IL1RN: variants seen among roughly 807,000 people sequenced by gnomAD.
IL1RN encodes interleukin-1 receptor antagonist protein.
IL1RN carries 10 observed loss-of-function variants against 13.7 expected under a neutral mutation model. The observed-to-expected ratio is 0.73, with a 90% CI of 0.45 to 1.24. IL1RN has a LOEUF of 1.24. Among genes scored for constraint, IL1RN ranks in the 50% most tolerant of loss-of-function variants. The probability of loss-of-function intolerance (pLI) is 0.00; values close to 1 mark genes in which losing one functional copy is unlikely to be tolerated. For missense variants in IL1RN, 213 were observed against 222.1 expected (o/e 0.96, Z 0.26); for synonymous variants, 102 against 82.7 (o/e 1.23, Z -1.27).
the IL1RN span, among the ~76,000 whole-genome samples, chr2:113,100,205 A>G: frequency 2.0e-5 from 3 of 151,210 alleles, no homozygotes; most frequent in Admixed American, 6.6e-5. Context: ...GGGCGCCTGT[A>G]GTGCCAGCTA....
intron 2 of IL1RN, chr2:113,120,190 C>T: frequency 9.0e-7 from 1 of 1,114,020 alleles, no homozygotes; most frequent in Non-Finnish European, 1.4e-6. Context: ...TGAACAACAT[C>T]TTGATTATGT....
upstream of IL1RN, among the ~76,000 whole-genome samples, chr2:113,125,339 C>T (rs917211884): frequency 1.3e-5 from 2 of 152,210 alleles, no homozygotes; most frequent in Admixed American, 1.3e-4. Flanking sequence ...CTCACAAAAA[C>T]AAACAAATGA....
At chr2:113,121,466 C>A in intron 2 of IL1RN, 2 of 985,446 alleles carry the variant, frequency 2.0e-6, no homozygotes, top group Non-Finnish European at 2.4e-6. Context: ...TAAAACTAAT[C>A]ATCAAAGCCA....
chr2:113,121,472 A>G (rs1292938061), intron 2 of IL1RN: 1 of 985,382 alleles, frequency 1.0e-6, no homozygotes, highest in African/African-American at 1.7e-5. Flanking sequence ...TAATCATCAA[A>G]GCCAAGAAGG....
intron 1 of IL1RN, among the ~76,000 whole-genome samples, chr2:113,118,181 C>A (rs115408784): frequency 1.3e-5 from 2 of 152,162 alleles, no homozygotes; most frequent in Non-Finnish European, 2.9e-5. Context: ...GGGATCTGGG[C>A]ACGGGGAGGC....
chr2:113,101,375 A>T, the IL1RN span, among the ~76,000 whole-genome samples: 1 of 152,208 alleles, frequency 6.6e-6, no homozygotes, highest in Admixed American at 6.5e-5. Flanking sequence ...TAAAACCGAC[A>T]TTCAATGATA....
intron 1 of IL1RN, among the ~76,000 whole-genome samples, chr2:113,128,261 C>T (rs541766138): frequency 2.0e-5 from 3 of 152,168 alleles, no homozygotes; most frequent in African/African-American, 4.8e-5. Flanking sequence ...AACAGTATTC[C>T]GTGCATTGTA....
At chr2:113,100,780 G>A in the IL1RN span, among the ~76,000 whole-genome samples, 9 of 152,318 alleles carry the variant, frequency 5.9e-5, no homozygotes, top group Non-Finnish European at 1.3e-4. Context: ...AACAAGCCAA[G>A]ATTTAAATAC....
At chr2:113,118,490 A>AG (rs4251973) in intron 1 of IL1RN, among the ~76,000 whole-genome samples, 112,390 of 152,200 alleles carry the variant, frequency 0.74, 41,595 homozygotes, top group East Asian at 0.9. Flanking sequence ...GGCTTGGCAC[A>AG]GTCAGTTCCA....
upstream of IL1RN, among the ~76,000 whole-genome samples, chr2:113,108,231 A>C (rs11677140): frequency 0.3 from 45,004 of 150,770 alleles, 6,981 homozygotes; most frequent in African/African-American, 0.37. Context: ...TCCTTCTCTT[A>C]TCTTTTTTTT....
intron 2 of IL1RN, among the ~76,000 whole-genome samples, chr2:113,120,449 T>A (rs909312221): frequency 6.6e-6 from 1 of 152,172 alleles, no homozygotes; most frequent in East Asian, 1.9e-4. Flanking sequence ...GGTACAATTA[T>A]AATCATTAAC....
chr2:113,113,863 T>G (rs1267273773), upstream of IL1RN, among the ~76,000 whole-genome samples: 1 of 152,238 alleles, frequency 6.6e-6, no homozygotes, highest in Non-Finnish European at 1.5e-5. Context: ...ACCCACGGAC[T>G]CATGTCTGTG....
upstream of IL1RN, among the ~76,000 whole-genome samples, chr2:113,125,545 G>T (rs1044836440): frequency 6.6e-6 from 1 of 152,188 alleles, no homozygotes; most frequent in Non-Finnish European, 1.5e-5. Flanking sequence ...TCCTCTGAAG[G>T]ATACATTCTT....
the IL1RN span, among the ~76,000 whole-genome samples, chr2:113,101,525 C>T: frequency 2.6e-5 from 4 of 152,328 alleles, no homozygotes; most frequent in East Asian, 7.7e-4. Flanking sequence ...TACATTTCCT[C>T]TCCACTCAGT....
chr2:113,119,587 G>A (rs1686698453), intron 1 of IL1RN, among the ~76,000 whole-genome samples: 1 of 152,128 alleles, frequency 6.6e-6, no homozygotes, highest in African/African-American at 2.4e-5. Context: ...TTAGCCCATG[G>A]TCTTATGTGT....
rs1361738311 is a variant in IL1RN, at chr2:113,127,727, A to G, written c.103A>G (p.Met35Val). The part of the protein sequence containing the change: ...CRPSGRKSSK[M>V]QAFRIWDVNQ... ...ACCCTCTGGGAGAAAATCCAGCAAG[A>G]TGCAAGCCTTCAGGTAAGGCTACCC... Residue 35 changes from methionine to valine, a missense_variant, in exon 1 of 4, where the codon ATG (methionine) becomes GTG (valine). Coordinates refer to ENST00000409930, the MANE Select transcript of IL1RN (RefSeq NM_173842.3). 6.2e-7 allele frequency: 1 copy of G among 1,613,952 alleles called. No homozygotes were observed. The highest frequency in any genetic ancestry group is 1.3e-5 in the African/African-American group (1 of 75,038).
intron 2 of IL1RN, among the ~76,000 whole-genome samples, chr2:113,122,157 C>G (rs773553389): frequency 2.6e-5 from 4 of 152,214 alleles, no homozygotes; most frequent in Admixed American, 6.5e-5. Flanking sequence ...TCCACCCAAG[C>G]TGGATGCCAA....
upstream of IL1RN, among the ~76,000 whole-genome samples, chr2:113,113,526 A>G (rs1686536903): frequency 6.6e-6 from 1 of 152,218 alleles, no homozygotes; most frequent in African/African-American, 2.4e-5. Context: ...TATAAGTAAC[A>G]ATACTGTATT....
Position 113,131,161 on chromosome 2 carries a change from A to T in IL1RN, c.318+4A>T, listed in dbSNP as rs750669910. On this transcript the variant is annotated splice_donor_region_variant and intron_variant, in intron 3 of 3. Transcript: ENST00000409930. ...TGAGACCAGACTCCAGCTGGAGGTA[A>T]AAACATGCTTTGGATCTCAAATCAC... 6.3e-7 allele frequency: 1 copy of T among 1,575,796 alleles called. No homozygotes were observed. Among genetic ancestry groups the T allele is most frequent in the African/African-American group, 1.3e-5 (1 of 74,146 alleles).
Sources: allele counts gnomAD v4.1 joint callset (sites outside exome capture counted in the v4.1 genomes callset), GRCh38; gene constraint gnomAD v4.1.1; transcripts MANE v1.5; gene names NCBI Gene and HGNC (gene_info 2026-07-23, HGNC 2026-07-21).